The following DPP10 variants were observed in gnomAD, a reference collection of about 807,000 sequenced individuals.
DPP10 encodes inactive dipeptidyl peptidase 10.
Under a neutral mutation model 120.9 loss-of-function variants are expected in DPP10, and 33 were observed. The ratio of observed to expected loss-of-function variants is 0.27; its 90% confidence interval spans 0.21 to 0.37. The LOEUF (loss-of-function observed/expected upper bound fraction) is 0.37. Among genes scored for constraint, DPP10 ranks in the 10% least tolerant of loss-of-function variants. DPP10 has a pLI of 1.00. For missense variants in DPP10, 816 were observed against 942.8 expected (o/e 0.87, Z 1.76); for synonymous variants, 337 against 326.1 (o/e 1.03, Z -0.36).
chr2:114,802,547 C>T (rs1468067169), intron 1 of DPP10, among the ~76,000 whole-genome samples: 2 of 152,054 alleles, frequency 1.3e-5, no homozygotes, highest in Non-Finnish European at 2.9e-5. Context: ...ATGGCCAGAA[C>T]GAAATAACCG....
Position 114,521,251 on chromosome 2 carries a change from G to GACACACACACACAC in DPP10, c.60+78437_60+78450dup, listed in dbSNP as rs60539029. 3.9e-3 allele frequency among the ~76,000 whole-genome samples: 558 copies of GACACACACACACAC among 144,600 alleles called. 4 individuals carry two copies. Among genetic ancestry groups the GACACACACACACAC allele is most frequent in the Middle Eastern group, 0.014 (4 of 288 alleles). 94.9% of individuals were successfully genotyped at this position (144,600 alleles called of 152,430 possible). On this transcript the variant is annotated intron_variant, in intron 1 of 25. Transcript: ENST00000410059. ...CTAATCTGTCTCTCTCACATGCACA[G>GACACACACACACAC]ACACACACACACACACACACACACA...
chr2:114,715,603 T>A (rs563531742), intron 1 of DPP10, among the ~76,000 whole-genome samples: 57 of 152,004 alleles, frequency 3.7e-4, no homozygotes, highest in African/African-American at 1.3e-3. Flanking sequence ...AAAAAAAAAG[T>A]ACATGTTGAA....
intron 1 of DPP10, among the ~76,000 whole-genome samples, chr2:114,693,576 G>A (rs2105780936): frequency 6.6e-6 from 1 of 151,956 alleles, no homozygotes; most frequent in African/African-American, 2.4e-5. Context: ...TCTTCTCATG[G>A]AGTATCCTAC....
chr2:115,304,996 T>C (rs867973743), intron 1 of DPP10, among the ~76,000 whole-genome samples: 1 of 152,120 alleles, frequency 6.6e-6, no homozygotes, highest in African/African-American at 2.4e-5. Flanking sequence ...GTTTGGACTA[T>C]AGCACTAACG....
At chr2:115,522,415 G>T (rs1312294692) in intron 4 of DPP10, among the ~76,000 whole-genome samples, 1 of 152,192 alleles carries the variant, frequency 6.6e-6, no homozygotes, top group Non-Finnish European at 1.5e-5. Flanking sequence ...TTCAGTGTCT[G>T]CCTGGGGGCT....
At chr2:114,710,097 G>A (rs1700927155) in intron 1 of DPP10, among the ~76,000 whole-genome samples, 1 of 152,336 alleles carries the variant, frequency 6.6e-6, no homozygotes. Flanking sequence ...ACTGTAATGT[G>A]GGGCATGGTA....
At chr2:115,575,333 T>C (rs1271128291) in intron 5 of DPP10, among the ~76,000 whole-genome samples, 1 of 152,212 alleles carries the variant, frequency 6.6e-6, no homozygotes, top group Admixed American at 6.5e-5. Context: ...AAGTGAGTGT[T>C]TGGTACCATT....
chr2:115,830,357 T>G (rs1575926330), intron 21 of DPP10, among the ~76,000 whole-genome samples: 1 of 96,168 alleles, frequency 1.0e-5, no homozygotes, highest in African/African-American at 6.0e-5. Flanking sequence ...AAATTCTGTC[T>G]CAAAAAAAAA....
At chr2:114,745,342 T>C (rs182127032) in intron 1 of DPP10, among the ~76,000 whole-genome samples, 228 of 152,276 alleles carry the variant, frequency 1.5e-3, no homozygotes, top group African/African-American at 5.1e-3. Flanking sequence ...CACAAACATA[T>C]GCAAACAATA....
rs770361046 is a variant in DPP10, at chr2:114,653,025, A to AGAGT, written c.60+210189_60+210192dup. 7.6e-5 allele frequency among the ~76,000 whole-genome samples: 9 copies of AGAGT among 118,926 alleles called. 1 individual carries two copies. In the South Asian group the frequency reaches 2.0e-3, roughly 26 times the overall value. 78.0% of individuals were successfully genotyped at this position (118,926 alleles called of 152,430 possible). Reference sequence around the variant, plus strand: ...GAGAGAGAGAAAGAGAGAGAGAGAGAGAGTGTGTGTGTGTGTGTGTGTGTG... The same window carrying AGAGT: ...GAGAGAGAGAAAGAGAGAGAGAGAGAGAGTGAGTGTGTGTGTGTGTGTGTGTGTG... On this transcript the variant is annotated intron_variant, in intron 1 of 25. Transcript: ENST00000410059.
intron 1 of DPP10, among the ~76,000 whole-genome samples, chr2:114,836,421 C>T (rs181281366): frequency 2.8e-4 from 43 of 152,120 alleles, no homozygotes; most frequent in Admixed American, 6.5e-4. Flanking sequence ...AATCACATTT[C>T]GGGAGGTTCT....
intron 1 of DPP10, among the ~76,000 whole-genome samples, chr2:114,524,640 A>G (rs996791676): frequency 1.3e-5 from 2 of 152,242 alleles, no homozygotes; most frequent in Non-Finnish European, 1.5e-5. Context: ...TCTAGTGAGA[A>G]GAAAAAGACA....
At chr2:115,091,969 T>C (rs765854999) in intron 1 of DPP10, among the ~76,000 whole-genome samples, 15 of 152,216 alleles carry the variant, frequency 9.9e-5, no homozygotes, top group Non-Finnish European at 2.1e-4. Context: ...GGGATACTAT[T>C]ACTACTAATA....
At chr2:115,595,684 C>T (rs1359094443) in intron 5 of DPP10, among the ~76,000 whole-genome samples, 3 of 152,028 alleles carry the variant, frequency 2.0e-5, no homozygotes, top group Non-Finnish European at 2.9e-5. Flanking sequence ...CTTAAACCTT[C>T]AGTTTTTTTC....
At chr2:115,453,380 C>A (rs2073274911) in intron 3 of DPP10, among the ~76,000 whole-genome samples, 1 of 151,312 alleles carries the variant, frequency 6.6e-6, no homozygotes. Context: ...TAAACAAAAT[C>A]ACAGTGTTCT....
intron 16 of DPP10, 82 bp from the exon 17 acceptor site, chr2:115,782,270 G>GA (rs36082071): frequency 1.6e-6 from 2 of 1,274,902 alleles, no homozygotes; most frequent in Non-Finnish European, 2.2e-6. Context: ...CATTTGGGGG[G>GA]AAAAAACTAT....
chr2:114,622,616 A>G (rs756605393), intron 1 of DPP10, among the ~76,000 whole-genome samples: 4 of 152,086 alleles, frequency 2.6e-5, no homozygotes, highest in Non-Finnish European at 5.9e-5. Context: ...AGGGGTGAAC[A>G]ATCAGCAAAA....
At chr2:114,952,586 T>C (rs1697875314) in intron 1 of DPP10, among the ~76,000 whole-genome samples, 1 of 144,852 alleles carries the variant, frequency 6.9e-6, no homozygotes. Context: ...AAAATATCTA[T>C]GCCAAATAGA....
intron 1 of DPP10, among the ~76,000 whole-genome samples, chr2:114,952,924 C>G (rs1413829493): frequency 1.3e-5 from 2 of 151,752 alleles, no homozygotes; most frequent in African/African-American, 4.8e-5. Context: ...TTAGATATAG[C>G]CTTTCTGGCA....
Sources: gnomAD v4.1 joint callset for allele counts (sites outside exome capture counted in the v4.1 genomes callset) on GRCh38, gnomAD v4.1.1 for gene constraint, MANE v1.5 for transcripts, NCBI Gene and HGNC (gene_info 2026-07-23, HGNC 2026-07-21) for gene names.